RNLS: variants seen among roughly 807,000 people sequenced by gnomAD.
RNLS encodes the protein renalase.
RNLS carries 39 observed loss-of-function variants against 39.8 expected under a neutral mutation model. The ratio of observed to expected loss-of-function variants is 0.98; its 90% CI spans 0.76 to 1.28. The LOEUF is 1.28. Among genes scored for constraint, RNLS ranks in the 50% most tolerant of loss-of-function variants. The probability of loss-of-function intolerance (pLI) is 0.00; values close to 1 mark genes in which losing one functional copy is unlikely to be tolerated. For missense variants in RNLS, 410 were observed against 413.3 expected (o/e 0.99, Z 0.07); for synonymous variants, 147 against 150.7 (o/e 0.98, Z 0.18).
At chr10:88,457,221 G>A (rs1445739634) in intron 4 of RNLS, among the ~76,000 whole-genome samples, 1 of 152,138 alleles carries the variant, frequency 6.6e-6, no homozygotes, top group Non-Finnish European at 1.5e-5. Context: ...TTGTTTGGGT[G>A]ACATAGTTGA....
At chr10:88,198,990 C>T in the RNLS span, among the ~76,000 whole-genome samples, 2 of 152,204 alleles carry the variant, frequency 1.3e-5, no homozygotes, top group Middle Eastern at 3.2e-3. Context: ...TCTCTCCCTG[C>T]ACTCATTCCA....
At chr10:88,292,452 G>A (rs1589473526) in intron 6 of RNLS, among the ~76,000 whole-genome samples, 1 of 151,410 alleles carries the variant, frequency 6.6e-6, no homozygotes, top group African/African-American at 2.4e-5. Context: ...ATTTAGCAAG[G>A]CTTTATCTTT....
At chr10:88,369,630 A>G (rs1850385983) in intron 4 of RNLS, among the ~76,000 whole-genome samples, 1 of 152,198 alleles carries the variant, frequency 6.6e-6, no homozygotes. Flanking sequence ...GTGCCACAAC[A>G]TCCCTGGCTG....
chr10:88,475,842 A>G (rs1843793294), intron 4 of RNLS, among the ~76,000 whole-genome samples: 1 of 152,200 alleles, frequency 6.6e-6, no homozygotes, highest in Non-Finnish European at 1.5e-5. Flanking sequence ...TGCAGGCTGC[A>G]TTTCAAAAAT....
At chr10:88,482,857 T>G (rs1844276646) in intron 4 of RNLS, among the ~76,000 whole-genome samples, 1 of 152,118 alleles carries the variant, frequency 6.6e-6, no homozygotes, top group South Asian at 2.1e-4. Context: ...CAGGGCTAAA[T>G]CTGTGAAATC....
At chr10:88,494,624 T>C (rs1845068941) in intron 4 of RNLS, among the ~76,000 whole-genome samples, 1 of 152,110 alleles carries the variant, frequency 6.6e-6, no homozygotes. Flanking sequence ...AAAACCAGCC[T>C]GGTGGAGGAA....
At chr10:88,321,594 T>A (rs1320175220) in intron 5 of RNLS, among the ~76,000 whole-genome samples, 2 of 151,344 alleles carry the variant, frequency 1.3e-5, no homozygotes, top group African/African-American at 2.4e-5. Flanking sequence ...ATAAGCATAA[T>A]CAAAAAATGA....
chr10:88,470,427 C>G (rs560521591), intron 4 of RNLS, among the ~76,000 whole-genome samples: 4 of 151,974 alleles, frequency 2.6e-5, no homozygotes, highest in Non-Finnish European at 5.9e-5. Flanking sequence ...TTTTATATAC[C>G]CTGCATGAGG....
chr10:88,556,687 A>G (rs1848893375), intron 4 of RNLS, among the ~76,000 whole-genome samples: 1 of 151,976 alleles, frequency 6.6e-6, no homozygotes. Context: ...GGGCCTTCCT[A>G]CTTGTTCCAA....
downstream of RNLS, among the ~76,000 whole-genome samples, chr10:88,271,704 C>G (rs1842654081): frequency 6.6e-6 from 1 of 152,166 alleles, no homozygotes; most frequent in African/African-American, 2.4e-5. Flanking sequence ...CAATTGGTAT[C>G]TTTCATCTTG....
chr10:88,301,874 A>G (rs1257654180), intron 6 of RNLS, among the ~76,000 whole-genome samples: 2 of 152,236 alleles, frequency 1.3e-5, no homozygotes. Flanking sequence ...AAAGAGAAAA[A>G]GTGGGACATG....
intron 4 of RNLS, among the ~76,000 whole-genome samples, chr10:88,433,209 T>C (rs1398231132): frequency 6.6e-6 from 1 of 152,060 alleles, no homozygotes; most frequent in Non-Finnish European, 1.5e-5. Context: ...TTCCAAGAGT[T>C]CTGTGATGTC....
intron 4 of RNLS, among the ~76,000 whole-genome samples, chr10:88,478,670 G>A (rs2986118): frequency 6.6e-6 from 1 of 151,734 alleles, no homozygotes; most frequent in Admixed American, 6.6e-5. Context: ...TCCAGCTTCC[G>A]TTCACTCGAA....
intron 4 of RNLS, among the ~76,000 whole-genome samples, chr10:88,562,089 G>A (rs1417140916): frequency 6.6e-6 from 1 of 151,938 alleles, no homozygotes; most frequent in African/African-American, 2.4e-5. Context: ...AAACGTAAGA[G>A]TGAGAATCAT....
intron 4 of RNLS, among the ~76,000 whole-genome samples, chr10:88,440,089 T>C (rs1841627066): frequency 6.6e-6 from 1 of 152,232 alleles, no homozygotes; most frequent in African/African-American, 2.4e-5. Context: ...ATTTTCTTTA[T>C]AGGTCCTAAC....
chr10:88,472,340 A>G (rs906101320), intron 4 of RNLS, among the ~76,000 whole-genome samples: 1 of 152,208 alleles, frequency 6.6e-6, no homozygotes. Context: ...AATACAGATA[A>G]GCACAGGTTT....
chr10:88,538,600 T>G (rs1847895355), intron 4 of RNLS, among the ~76,000 whole-genome samples: 1 of 152,162 alleles, frequency 6.6e-6, no homozygotes, highest in Admixed American at 6.6e-5. Flanking sequence ...TTTCTTTTCT[T>G]AGTAAGTTTT....
intron 4 of RNLS, among the ~76,000 whole-genome samples, chr10:88,469,232 T>C (rs1291738864): frequency 6.6e-6 from 1 of 152,226 alleles, no homozygotes; most frequent in East Asian, 1.9e-4. Flanking sequence ...CATGTCATTC[T>C]GGTCATCACA....
At chr10:88,460,352 T>A (rs979469981) in intron 4 of RNLS, among the ~76,000 whole-genome samples, 1 of 152,156 alleles carries the variant, frequency 6.6e-6, no homozygotes, top group Admixed American at 6.6e-5. Flanking sequence ...TATCTGTACA[T>A]TTGTAGTTCC....
Sources: allele counts gnomAD v4.1 joint callset (sites outside exome capture counted in the v4.1 genomes callset), GRCh38; gene constraint gnomAD v4.1.1; transcripts MANE v1.5; gene names NCBI Gene and HGNC (gene_info 2026-07-23, HGNC 2026-07-21).